The following ALPK1 variants were observed in gnomAD, a reference collection of about 807,000 sequenced individuals.
The protein encoded by ALPK1 is alpha kinase 1.
ALPK1 carries 110 observed loss-of-function variants against 120.6 expected under a neutral mutation model. That is an observed-to-expected ratio of 0.91 (90% CI 0.78 to 1.07). ALPK1 has a LOEUF of 1.07. ALPK1 is among the 50% of genes least tolerant of loss of function. ALPK1 has a pLI of 0.00. For missense variants in ALPK1, 1,498 were observed against 1,483.9 expected, an observed-to-expected ratio of 1.01 and a Z score of -0.16; for synonymous variants, 582 against 560.3, an observed-to-expected ratio of 1.04 and a Z score of -0.55.
chr4:112,431,946 T>A lies in ALPK1; in HGVS notation c.2399T>A (p.Leu800Ter), dbSNP rs774772587. 3 of 1,614,100 alleles carry A rather than the reference T, an allele frequency of 1.9e-6. No homozygotes were observed. Among genetic ancestry groups the A allele is most frequent in the Non-Finnish European group, 2.5e-6 (3 of 1,180,042 alleles). The change falls in exon 11 of 16, where the codon TTA becomes TAA. Residue 800 changes from leucine (L) to a stop codon, truncating the protein, a stop_gained. Coordinates refer to ENST00000650871, the MANE Select transcript of ALPK1 (RefSeq NM_025144.4). LOFTEE classifies it high-confidence loss of function. Reference protein sequence around the residue: ...ETAESTEDAPLDFHRVLHNSL... With the variant: ...ETAESTEDAP ...GCAGAAAGCACTGAAGATGCACCCT[T>A]AGACTTTCACAGGGTCCTGCACAAT... is the stretch of plus-strand genomic sequence containing the variant.
intron 4 of ALPK1, among the ~76,000 whole-genome samples, chr4:112,387,039 G>A (rs1482555199): frequency 6.6e-6 from 1 of 152,164 alleles, no homozygotes; most frequent in East Asian, 1.9e-4. Flanking sequence ...CAAAACCTTT[G>A]ATGGATTTTT....
At chr4:112,416,875 CAA>C (rs56919059) in intron 5 of ALPK1, among the ~76,000 whole-genome samples, 1,339 of 106,238 alleles carry the variant, frequency 0.013, 16 homozygotes, top group African/African-American at 0.043. Flanking sequence ...GACCCTGTCT[CAA>C]AAAAAAAAAA....
intron 4 of ALPK1, among the ~76,000 whole-genome samples, chr4:112,408,937 G>T (rs561175666): frequency 6.6e-6 from 1 of 152,210 alleles, no homozygotes; most frequent in Non-Finnish European, 1.5e-5. Context: ...GTATTATTTT[G>T]AAAATACATG....
At chr4:112,414,178 G>A in intron 5 of ALPK1, 2 of 444,204 alleles carry the variant, frequency 4.5e-6, no homozygotes, top group South Asian at 1.6e-5. Flanking sequence ...TATTGTAAGA[G>A]GTAAGGAAGA....
chr4:112,429,180 T>C lies in ALPK1; in HGVS notation c.827T>C (p.Leu276Pro). ...SLLKEFDHHLLSAAEACKLAA... is the reference protein window; with the variant it reads ...SLLKEFDHHLPSAAEACKLAA... ...CTGAAGGAGTTTGACCACCATTTGCTGTCCGCTGCAGAAGCCTGCAAGCTG... is the reference window on the plus strand; with the variant it reads ...CTGAAGGAGTTTGACCACCATTTGCCGTCCGCTGCAGAAGCCTGCAAGCTG... Residue 276 changes from leucine to proline, a missense_variant, in exon 10 of 16, where the codon CTG becomes CCG. Physicochemically the swap from Leu to Pro is moderately conservative, Grantham distance 98. Transcript: ENST00000650871. 6.2e-7 allele frequency: 1 copy of C among 1,613,570 alleles called. No individual in the cohort carries two copies. The highest frequency in any genetic ancestry group is 1.3e-5 in the African/African-American group (1 of 75,068).
At chr4:112,378,300 T>G (rs1266313350) in intron 3 of ALPK1, among the ~76,000 whole-genome samples, 1 of 152,230 alleles carries the variant, frequency 6.6e-6, no homozygotes, top group East Asian at 1.9e-4. Flanking sequence ...ACTTCTAGGG[T>G]TTCCATAAAT....
chr4:112,330,742 G>A (rs1729334085), intron 2 of ALPK1, among the ~76,000 whole-genome samples: 1 of 152,188 alleles, frequency 6.6e-6, no homozygotes, highest in South Asian at 2.1e-4. Context: ...ATAGATTATT[G>A]CTTTGCTCTG....
chr4:112,381,060 A>G (rs890840639), intron 3 of ALPK1, among the ~76,000 whole-genome samples: 6 of 152,234 alleles, frequency 3.9e-5, no homozygotes, highest in African/African-American at 1.2e-4. Context: ...GATTTGCCAA[A>G]CCACTGAAGA....
intron 2 of ALPK1, among the ~76,000 whole-genome samples, chr4:112,340,006 G>A (rs993658287): frequency 2.6e-5 from 4 of 152,194 alleles, no homozygotes; most frequent in African/African-American, 9.7e-5. Flanking sequence ...TTTCAGAATG[G>A]TAACTTGGAT....
intron 2 of ALPK1, among the ~76,000 whole-genome samples, chr4:112,337,607 A>C (rs1729675613): frequency 6.6e-6 from 1 of 152,132 alleles, no homozygotes; most frequent in South Asian, 2.1e-4. Context: ...GAGAGGCTGA[A>C]GTGGGAGGAT....
intron 2 of ALPK1, among the ~76,000 whole-genome samples, chr4:112,321,800 T>C (rs1728878023): frequency 6.6e-6 from 1 of 152,248 alleles, no homozygotes; most frequent in Non-Finnish European, 1.5e-5. Context: ...TTGCATAATA[T>C]GCACTGCTAT....
chr4:112,358,334 C>A, intron 2 of ALPK1: 1 of 595,262 alleles, frequency 1.7e-6, no homozygotes, highest in East Asian at 3.3e-5. Context: ...CCAGTTCTTC[C>A]GTGTTGCTGA....
chr4:112,309,607 C>A lies in ALPK1; in HGVS notation c.-152-6194C>A, dbSNP rs535027992. On this transcript the variant is annotated intron_variant, in intron 1 of 15. Coordinates refer to ENST00000650871, the MANE Select transcript of ALPK1 (RefSeq NM_025144.4). Reference sequence around the variant, plus strand: ...CTCAGTTGGAAATGCAGAAATCACCCGTCTTCTGCATTGCTCACGCTGGGA... The same window carrying A: ...CTCAGTTGGAAATGCAGAAATCACCAGTCTTCTGCATTGCTCACGCTGGGA... Among the ~76,000 whole-genome samples, 2 of 152,146 alleles carry A rather than the reference C, an allele frequency of 1.3e-5. 1 individual carries two copies. The highest frequency in any genetic ancestry group is 4.8e-5 in the African/African-American group (2 of 41,448).
chr4:112,425,639 A>G, intron 6 of ALPK1, 26 bp from the exon 7 acceptor site: 1 of 1,585,216 alleles, frequency 6.3e-7, no homozygotes, highest in Non-Finnish European at 8.7e-7. Flanking sequence ...CTGATAATTC[A>G]AGGGAATTTT....
chr4:112,335,215 C>A (rs1287412196), intron 2 of ALPK1, among the ~76,000 whole-genome samples: 1 of 150,200 alleles, frequency 6.7e-6, no homozygotes, highest in Non-Finnish European at 1.5e-5. Context: ...AAGATCGTGC[C>A]ATTGCACTCC....
chr4:112,372,141 A>C (rs2148723192), intron 2 of ALPK1, among the ~76,000 whole-genome samples: 1 of 152,096 alleles, frequency 6.6e-6, no homozygotes, highest in African/African-American at 2.4e-5. Context: ...GTTTCTACTT[A>C]AGTCGTTTAC....
chr4:112,401,116 G>C (rs756339847), intron 4 of ALPK1, among the ~76,000 whole-genome samples: 9 of 152,200 alleles, frequency 5.9e-5, no homozygotes, highest in Non-Finnish European at 1.3e-4. Context: ...CTGGACTTTT[G>C]AAAGTCCTAC....
Position 112,427,672 on chromosome 4 carries a change from A to G in ALPK1, c.795+7A>G. ...CAATCCACAAATTAATTTGGTAATTATCATAACACTGAGTGGCATCACCTG... is the reference window on the plus strand; with the variant it reads ...CAATCCACAAATTAATTTGGTAATTGTCATAACACTGAGTGGCATCACCTG... On this transcript the variant is annotated splice_region_variant and intron_variant, in intron 9 of 15. Transcript: ENST00000650871. 6.3e-7 allele frequency: 1 copy of G among 1,583,732 alleles called. No homozygotes were observed.
intron 2 of ALPK1, among the ~76,000 whole-genome samples, chr4:112,372,927 T>C (rs1017458079): frequency 4.6e-5 from 7 of 152,156 alleles, no homozygotes; most frequent in African/African-American, 1.7e-4. Context: ...TAAAATTATA[T>C]GATATTGTGG....
Sources: allele counts gnomAD v4.1 joint callset (sites outside exome capture counted in the v4.1 genomes callset), GRCh38; gene constraint gnomAD v4.1.1; transcripts MANE v1.5; gene names NCBI Gene and HGNC (gene_info 2026-07-23, HGNC 2026-07-21).